Variants in DRC10 observed in about 807,000 individuals in gnomAD.
DRC10 encodes dynein regulatory complex subunit 10.
the DRC10 span, among the ~76,000 whole-genome samples, chr12:113,209,436 G>A: frequency 6.6e-6 from 1 of 152,112 alleles, no homozygotes; most frequent in Non-Finnish European, 1.5e-5. Context: ...CTGTTACCCT[G>A]GCTGGAGTGC....
At chr12:113,208,935 T>C in the DRC10 span, among the ~76,000 whole-genome samples, 1 of 152,088 alleles carries the variant, frequency 6.6e-6, no homozygotes, top group Non-Finnish European at 1.5e-5. Context: ...TTTGGTTTGT[T>C]TGTTTATTTG....
chr12:113,200,580 C>A, the DRC10 span: 1 of 1,534,346 alleles, frequency 6.5e-7, no homozygotes, highest in South Asian at 1.2e-5. Flanking sequence ...CCCGGGGCAC[C>A]TTCCTCAGCG....
At chr12:113,199,470 A>G in the DRC10 span, among the ~76,000 whole-genome samples, 1 of 152,316 alleles carries the variant, frequency 6.6e-6, no homozygotes, top group Non-Finnish European at 1.5e-5. Context: ...CTTGGGCACC[A>G]TGGGTAGGCC....
the DRC10 span, among the ~76,000 whole-genome samples, chr12:113,209,210 G>C: frequency 6.6e-6 from 1 of 152,238 alleles, no homozygotes; most frequent in East Asian, 1.9e-4. Flanking sequence ...CACCACGCCT[G>C]GCCATTTTTA....
the DRC10 span, chr12:113,203,041 T>C: frequency 4.4e-6 from 2 of 455,518 alleles, no homozygotes; most frequent in South Asian, 3.1e-5. Flanking sequence ...TCCCTTTTTT[T>C]TTTGAGACAG....
At chr12:113,202,179 C>G in the DRC10 span, among the ~76,000 whole-genome samples, 1 of 152,190 alleles carries the variant, frequency 6.6e-6, no homozygotes, top group Non-Finnish European at 1.5e-5. Context: ...CATCATGCCC[C>G]TCTTTTGGAC....
chr12:113,216,681 T>G, the DRC10 span, among the ~76,000 whole-genome samples: 1 of 152,152 alleles, frequency 6.6e-6, no homozygotes, highest in Non-Finnish European at 1.5e-5. Flanking sequence ...AATTTTGCTG[T>G]GAATCTAAAA....
At chr12:113,197,969 C>A in the DRC10 span, among the ~76,000 whole-genome samples, 1 of 152,212 alleles carries the variant, frequency 6.6e-6, no homozygotes, top group South Asian at 2.1e-4. Context: ...GTAATCCCAG[C>A]GCTTTGGGAG....
the DRC10 span, among the ~76,000 whole-genome samples, chr12:113,209,290 A>G: frequency 6.6e-6 from 1 of 152,230 alleles, no homozygotes; most frequent in Non-Finnish European, 1.5e-5. Flanking sequence ...GTTTCACTAA[A>G]TGTAATGTTG....
chr12:113,200,690 G>A, the DRC10 span: 39 of 1,536,186 alleles, frequency 2.5e-5, no homozygotes, highest in East Asian at 4.9e-5. Context: ...TGTGATGCCC[G>A]GAAATCGGCC....
At chr12:113,195,998 C>G in the DRC10 span, 1 of 1,439,852 alleles carries the variant, frequency 6.9e-7, no homozygotes, top group African/African-American at 1.4e-5. Flanking sequence ...CAGCGATGCC[C>G]CTAAGCTAAG....
At chr12:113,220,797 G>T in the DRC10 span, among the ~76,000 whole-genome samples, 65 of 152,272 alleles carry the variant, frequency 4.3e-4, no homozygotes, top group Admixed American at 1.1e-3. Flanking sequence ...TGGGCAGGTA[G>T]AAGGGCAGAA....
At chr12:113,203,939 A>G in the DRC10 span, among the ~76,000 whole-genome samples, 2 of 152,040 alleles carry the variant, frequency 1.3e-5, no homozygotes, top group Non-Finnish European at 2.9e-5. Context: ...CCATCTCTAA[A>G]AAAAGAAAAA....
the DRC10 span, among the ~76,000 whole-genome samples, chr12:113,208,802 C>T: frequency 1.1e-4 from 17 of 152,204 alleles, no homozygotes; most frequent in Non-Finnish European, 4.4e-5. Flanking sequence ...AACCAACTGA[C>T]AAGCAGCCTG....
the DRC10 span, among the ~76,000 whole-genome samples, chr12:113,218,359 G>T: frequency 6.6e-6 from 1 of 151,922 alleles, no homozygotes; most frequent in Non-Finnish European, 1.5e-5. Context: ...GGTCAGGCTG[G>T]TCTCAAATTC....
At chr12:113,200,927 TCA>T in the DRC10 span, 1 of 719,446 alleles carries the variant, frequency 1.4e-6, no homozygotes, top group East Asian at 2.8e-5. Context: ...TCACCTGAGG[TCA>T]GGAGTTTGAG....
the DRC10 span, among the ~76,000 whole-genome samples, chr12:113,204,566 A>G: frequency 6.6e-6 from 1 of 152,246 alleles, no homozygotes; most frequent in Non-Finnish European, 1.5e-5. Context: ...AGCTGAGTTG[A>G]GTAATTGCAA....
the DRC10 span, among the ~76,000 whole-genome samples, chr12:113,202,027 A>C: frequency 6.6e-6 from 1 of 152,336 alleles, no homozygotes; most frequent in East Asian, 1.9e-4. Flanking sequence ...GTGAAGCCCC[A>C]AGCTGGTTCT....
the DRC10 span, among the ~76,000 whole-genome samples, chr12:113,220,778 G>T: frequency 2.0e-5 from 3 of 152,110 alleles, no homozygotes; most frequent in Non-Finnish European, 4.4e-5. Flanking sequence ...AGGGAGTGGA[G>T]CCATGAAGTG....
Sources: gnomAD v4.1 joint callset for allele counts (sites outside exome capture counted in the v4.1 genomes callset) on GRCh38, gnomAD v4.1.1 for gene constraint, MANE v1.5 for transcripts, NCBI Gene and HGNC (gene_info 2026-07-23, HGNC 2026-07-21) for gene names.